Variants in RSU1 observed in about 807,000 individuals in gnomAD.
RSU1 encodes Ras suppressor protein 1.
In RSU1, 26 loss-of-function variants were observed where a neutral mutation model predicts 31.1. The ratio of observed to expected loss-of-function variants is 0.84; its 90% confidence interval spans 0.61 to 1.16. The LOEUF (loss-of-function observed/expected upper bound fraction) is 1.16. RSU1 is among the 50% of genes most tolerant of loss of function. The pLI is 0.00. For missense variants in RSU1, 320 were observed against 339.1 expected, an observed-to-expected ratio of 0.94 and a Z score of 0.44; for synonymous variants, 164 against 136.3, an observed-to-expected ratio of 1.20 and a Z score of -1.41.
intron 8 of RSU1, among the ~76,000 whole-genome samples, chr10:16,655,269 C>T (rs867781266): frequency 6.6e-6 from 1 of 152,196 alleles, no homozygotes; most frequent in Admixed American, 6.5e-5. Context: ...GGGATAAAGG[C>T]AAAACCACTG....
At chr10:16,802,060 G>C (rs1307134034) in intron 2 of RSU1, among the ~76,000 whole-genome samples, 1 of 151,354 alleles carries the variant, frequency 6.6e-6, no homozygotes, top group Non-Finnish European at 1.5e-5. Flanking sequence ...CAAGTAAACA[G>C]AAAAATATTA....
intron 8 of RSU1, among the ~76,000 whole-genome samples, chr10:16,661,537 A>G (rs563239125): frequency 6.6e-6 from 1 of 152,152 alleles, no homozygotes. Context: ...TCCAACATTA[A>G]GCTTATAGTC....
At chr10:16,739,675 A>G (rs1237010533) in intron 7 of RSU1, among the ~76,000 whole-genome samples, 1 of 151,694 alleles carries the variant, frequency 6.6e-6, no homozygotes, top group African/African-American at 2.4e-5. Context: ...CCGGAGTGCA[A>G]TGGTGTGATC....
At chr10:16,645,976 GTGTATATACATATA>G (rs1834554982) in intron 8 of RSU1, among the ~76,000 whole-genome samples, 6 of 65,750 alleles carry the variant, frequency 9.1e-5, no homozygotes, top group East Asian at 3.7e-4. Flanking sequence ...GTATATATAT[GTGTATATACATATA>G]TGTGTATATA....
intron 7 of RSU1, among the ~76,000 whole-genome samples, chr10:16,718,318 C>A (rs948768104): frequency 1.3e-5 from 2 of 152,098 alleles, no homozygotes; most frequent in Admixed American, 1.3e-4. Context: ...AAAGGGTACA[C>A]AGAATTTATA....
chr10:16,759,290 A>T (rs1837158900), intron 4 of RSU1, among the ~76,000 whole-genome samples: 1 of 152,152 alleles, frequency 6.6e-6, no homozygotes, highest in Non-Finnish European at 1.5e-5. Flanking sequence ...GCTTAAGCTC[A>T]GGAGCTCGAG....
chr10:16,599,140 G>T (rs1833671228), intron 8 of RSU1, among the ~76,000 whole-genome samples: 1 of 152,180 alleles, frequency 6.6e-6, no homozygotes, highest in South Asian at 2.1e-4. Context: ...AGCAGTGACT[G>T]ACTACAGAGG....
chr10:16,626,914 G>A (rs1267673905), intron 8 of RSU1, among the ~76,000 whole-genome samples: 1 of 152,206 alleles, frequency 6.6e-6, no homozygotes, highest in Non-Finnish European at 1.5e-5. Context: ...ATGTCCCAGT[G>A]GGTAGTCGTG....
chr10:16,671,503 C>T (rs1012830518), intron 8 of RSU1, among the ~76,000 whole-genome samples: 25 of 152,148 alleles, frequency 1.6e-4, no homozygotes, highest in African/African-American at 5.3e-4. Context: ...GGCTGGAGTA[C>T]AGTGGTATGA....
chr10:16,695,197 T>C lies in RSU1; in HGVS notation c.599-42A>G, dbSNP rs572496716. ...AAAAAGTGAAGGTCACTTCATCCAATACAGATCAGGTCTAAGAAGTCCTTC... is the reference window on the plus strand; with the variant it reads ...AAAAAGTGAAGGTCACTTCATCCAACACAGATCAGGTCTAAGAAGTCCTTC... On this transcript the variant is annotated intron_variant, in intron 7 of 8. Transcript: ENST00000345264. The C allele has an allele frequency of 7.8e-6, 12 of 1,548,054 alleles. No individual in the cohort carries two copies. In the East Asian group the frequency reaches 2.6e-4, roughly 33 times the overall value.
At chr10:16,654,686 A>AC (rs1021735779) in intron 8 of RSU1, among the ~76,000 whole-genome samples, 1 of 151,298 alleles carries the variant, frequency 6.6e-6, no homozygotes, top group African/African-American at 2.4e-5. Flanking sequence ...AAAACAAAAA[A>AC]AAAAAAAAAG....
At chr10:16,652,555 CACAA>C (rs1834705891) in intron 8 of RSU1, among the ~76,000 whole-genome samples, 2 of 152,094 alleles carry the variant, frequency 1.3e-5, no homozygotes, top group South Asian at 4.1e-4. Flanking sequence ...ATTATATACA[CACAA>C]ACACACACAC....
intron 3 of RSU1, 33 bp from the exon 4 acceptor site, chr10:16,764,543 G>T: frequency 6.3e-7 from 1 of 1,598,566 alleles, no homozygotes; most frequent in Non-Finnish European, 8.5e-7. Context: ...TGTGAATCTG[G>T]GAATGGAACT....
chr10:16,672,223 T>C (rs1344408502), intron 8 of RSU1, among the ~76,000 whole-genome samples: 1 of 150,846 alleles, frequency 6.6e-6, no homozygotes, highest in Non-Finnish European at 1.5e-5. Flanking sequence ...GGCAGGAGAA[T>C]GGCGTGAACC....
At chr10:16,783,910 C>T (rs1469043960) in intron 2 of RSU1, among the ~76,000 whole-genome samples, 1 of 152,118 alleles carries the variant, frequency 6.6e-6, no homozygotes, top group Admixed American at 6.5e-5. Context: ...CTCCAAATGT[C>T]CCAATCATTT....
At chr10:16,629,878 T>C (rs1346920889) in intron 8 of RSU1, among the ~76,000 whole-genome samples, 2 of 152,294 alleles carry the variant, frequency 1.3e-5, no homozygotes, top group East Asian at 3.9e-4. Context: ...CAGTCCTGTA[T>C]GATGAATAAC....
intron 2 of RSU1, among the ~76,000 whole-genome samples, chr10:16,809,957 A>G (rs1187201445): frequency 6.8e-6 from 1 of 146,358 alleles, no homozygotes; most frequent in Non-Finnish European, 1.5e-5. Context: ...ACATTGGCTC[A>G]CACCTGTAAT....
chr10:16,595,301 G>A (rs142638178), intron 8 of RSU1, among the ~76,000 whole-genome samples: 56 of 152,274 alleles, frequency 3.7e-4, no homozygotes, highest in African/African-American at 1.3e-3. Flanking sequence ...AGTTGATTTT[G>A]TGATCCAGGA....
chr10:16,782,171 A>C (rs1837667644), intron 2 of RSU1, 87 bp from the exon 3 acceptor site: 1 of 1,053,536 alleles, frequency 9.5e-7, no homozygotes, highest in Non-Finnish European at 1.4e-6. Context: ...AGCAAACGGC[A>C]AAGTTATTTT....
Sources: gnomAD v4.1 joint callset for allele counts (sites outside exome capture counted in the v4.1 genomes callset) on GRCh38, gnomAD v4.1.1 for gene constraint, MANE v1.5 for transcripts, NCBI Gene and HGNC (gene_info 2026-07-23, HGNC 2026-07-21) for gene names.